Variants in TRIB2 observed in about 807,000 individuals in gnomAD.
The protein encoded by TRIB2 is tribbles homolog 2.
A neutral mutation model predicts 26.8 loss-of-function variants in TRIB2; 2 were observed. The observed-to-expected ratio is 0.07, with a 90% CI of 0.03 to 0.24. The LOEUF (loss-of-function observed/expected upper bound fraction) is 0.24. Among genes scored for constraint, TRIB2 ranks in the 10% least tolerant of loss-of-function variants. The pLI is 1.00. For synonymous variants in TRIB2, 189 were observed against 187.3 expected (o/e 1.01, Z -0.08); for missense variants, 306 against 449.0 (o/e 0.68, Z 2.88).
intron 2 of TRIB2, among the ~76,000 whole-genome samples, chr2:12,730,861 C>T (rs1188006256): frequency 6.6e-6 from 1 of 152,192 alleles, no homozygotes; most frequent in African/African-American, 2.4e-5. Context: ...GGGAGTTTCT[C>T]TAAATCATGA....
rs575502351 is a variant in TRIB2, at chr2:12,723,664, G to A, written c.563+112G>A. 2,573 of 1,313,454 alleles carry A rather than the reference G, an allele frequency of 2.0e-3. 11 individuals carry two copies. Among genetic ancestry groups the A allele is most frequent in the Admixed American group, 4.7e-3 (183 of 39,130 alleles). 81.4% of individuals were successfully genotyped at this position (1,313,454 alleles called of 1,614,324 possible). A position where few individuals can be genotyped will look rare whatever the true frequency, so the allele number is the denominator to read the frequency against. On this transcript the variant is annotated intron_variant, in intron 2 of 2. Transcript: ENST00000155926. The stretch of plus-strand genomic sequence containing the variant: ...TTGCCGTCTGTGGTCCAGATGAGGG[G>A]AAGGAATCTTAGGAGGGCAAAAGGA...
intron 2 of TRIB2, among the ~76,000 whole-genome samples, chr2:12,728,050 C>T (rs1319961595): frequency 6.6e-6 from 1 of 152,202 alleles, no homozygotes; most frequent in African/African-American, 2.4e-5. Flanking sequence ...TGGGAGAAGT[C>T]CTGTTACTTC....
At chr2:12,739,119 A>G (rs1227074015) in intron 2 of TRIB2, among the ~76,000 whole-genome samples, 1 of 152,100 alleles carries the variant, frequency 6.6e-6, no homozygotes, top group East Asian at 1.9e-4. Context: ...GACACGTGGG[A>G]AATTGGAATC....
intron 2 of TRIB2, among the ~76,000 whole-genome samples, chr2:12,739,571 G>T (rs1661664977): frequency 6.6e-6 from 1 of 152,164 alleles, no homozygotes; most frequent in Non-Finnish European, 1.5e-5. Flanking sequence ...TGATACGAGG[G>T]TGTCAGCCTC....
chr2:12,718,180 C>A lies in TRIB2; in HGVS notation c.-128C>A, dbSNP rs1263806881. ...TTCTAACTCTTTCTCCACGCAGCCC[C>A]TCTTCTGTCCCCTCCCCTCTCGCTC... On this transcript the variant is annotated 5_prime_UTR_variant, in exon 1 of 3. Coordinates refer to ENST00000155926, the MANE Select transcript of TRIB2 (RefSeq NM_021643.4). The surrounding 1 kb of genome is among the most constrained non-coding windows in gnomAD (Gnocchi z 4.0). 6.3e-6 allele frequency: 8 copies of A among 1,279,050 alleles called. No homozygotes were observed. The highest frequency in any genetic ancestry group is 6.3e-6 in the Non-Finnish European group (6 of 950,628). 79.2% of individuals were successfully genotyped at this position (1,279,050 alleles called of 1,614,324 possible). A position where few individuals can be genotyped will look rare whatever the true frequency, so the allele number is the denominator to read the frequency against.
At chr2:12,719,229 C>G (rs1489055108) in intron 1 of TRIB2, among the ~76,000 whole-genome samples, 1 of 152,080 alleles carries the variant, frequency 6.6e-6, no homozygotes. Flanking sequence ...GGTCTCTCTC[C>G]CCATCTCTAG....
At chr2:12,724,616 C>G in intron 2 of TRIB2, 4 of 1,605,952 alleles carry the variant, frequency 2.5e-6, no homozygotes, top group Non-Finnish European at 3.4e-6. Context: ...TTTACCTTTT[C>G]TCTTCCGCTC....
At chr2:12,728,053 G>A (rs1661371880) in intron 2 of TRIB2, among the ~76,000 whole-genome samples, 1 of 152,180 alleles carries the variant, frequency 6.6e-6, no homozygotes, top group Non-Finnish European at 1.5e-5. Flanking sequence ...GAGAAGTCCT[G>A]TTACTTCTAT....
intron 2 of TRIB2, among the ~76,000 whole-genome samples, chr2:12,724,151 C>T (rs1180422493): frequency 6.6e-6 from 1 of 152,098 alleles, no homozygotes; most frequent in Non-Finnish European, 1.5e-5. Context: ...GAAGGTTTTA[C>T]AGGAGGGGTG....
chr2:12,723,575 C>T, intron 2 of TRIB2, 23 bp downstream of exon 2: 1 of 1,606,714 alleles, frequency 6.2e-7, no homozygotes, highest in Non-Finnish European at 8.5e-7. Context: ...CTGTCCAGAC[C>T]TGGGTACTGT....
rs1661721570 is a variant in TRIB2 at position 12,742,083 on chromosome 2, T to A, written c.*1289T>A. The stretch of plus-strand genomic sequence containing the variant: ...ATGCTGTAGTTAACATTTATAATTC[T>A]TTTTCCTTGTTTGAGTATTTCTGTC... On this transcript the variant is annotated 3_prime_UTR_variant, in exon 3 of 3. Transcript: ENST00000155926. 1.3e-5 allele frequency: 2 copies of A among 152,682 alleles called. No homozygotes were observed. The highest frequency in any genetic ancestry group is 2.9e-5 in the Non-Finnish European group (2 of 68,046). 9.5% of individuals were successfully genotyped at this position (152,682 alleles called of 1,614,324 possible).
intron 2 of TRIB2, among the ~76,000 whole-genome samples, chr2:12,733,228 G>A (rs967833447): frequency 5.9e-5 from 9 of 152,122 alleles, no homozygotes; most frequent in Non-Finnish European, 1.2e-4. Context: ...TTCTTCATCC[G>A]GTAAATGGGC....
chr2:12,740,332 G>T lies in TRIB2; in HGVS notation c.570G>T (p.Arg190=). The T allele has an allele frequency of 6.2e-7, 1 of 1,613,106 alleles. No homozygotes were observed. Among genetic ancestry groups the T allele is most frequent in the Non-Finnish European group, 8.5e-7 (1 of 1,179,146 alleles). ...TTTTCCTCCTTTCTTGCAGGACTCG[G>T]GTCAAGCTGGAAAGCCTGGAAGACG... ...KFIFKDEERT[R]VKLESLEDAY... Residue 190 remains arginine, a synonymous_variant, in exon 3 of 3, where the codon CGG becomes CGT. Coordinates refer to ENST00000155926, the MANE Select transcript of TRIB2 (RefSeq NM_021643.4). This position sits in a 1 kb window ranked among gnomAD's most constrained non-coding sequence, Gnocchi z 5.8.
intron 2 of TRIB2, among the ~76,000 whole-genome samples, chr2:12,738,663 A>G (rs1208630436): frequency 3.3e-5 from 5 of 152,160 alleles, no homozygotes; most frequent in Non-Finnish European, 7.4e-5. Flanking sequence ...CTCAAAGAAC[A>G]GTAGGGCAGG....
chr2:12,724,337 A>G (rs1230888905), intron 2 of TRIB2, among the ~76,000 whole-genome samples: 1 of 152,182 alleles, frequency 6.6e-6, no homozygotes, highest in Non-Finnish European at 1.5e-5. Flanking sequence ...ATTACCTTCT[A>G]TTTAGCAGAC....
chr2:12,721,314 G>A (rs563602056), intron 1 of TRIB2, among the ~76,000 whole-genome samples: 9 of 152,148 alleles, frequency 5.9e-5, no homozygotes, highest in Non-Finnish European at 1.2e-4. Context: ...AAAGTGCTGA[G>A]CAAAAGTCAC....
chr2:12,738,602 G>A (rs1336424353), intron 2 of TRIB2, among the ~76,000 whole-genome samples: 1 of 152,152 alleles, frequency 6.6e-6, no homozygotes, highest in East Asian at 1.9e-4. Context: ...AGGAGAGTCA[G>A]AGGAAGATTT....
chr2:12,717,617 G>A lies in TRIB2; in HGVS notation c.-691G>A, dbSNP rs571081393. On this transcript the variant is annotated 5_prime_UTR_variant, in exon 1 of 3. Transcript: ENST00000155926. The surrounding 1 kb of genome is among the most constrained non-coding windows in gnomAD (Gnocchi z 4.8). ...CTCCCTTGCAATTTTTCTTTTTTTT[G>A]TTTGTTTGTTTAATTTTTGGAGAGC... The A allele has an allele frequency of 1.3e-5, 5 of 396,190 alleles. No individual in the cohort carries two copies. Among genetic ancestry groups the A allele is most frequent in the African/African-American group, 2.1e-5 (1 of 48,630 alleles). The allele number at this position is 396,190 out of a possible 1,614,324, so 24.5% of individuals were successfully genotyped here. A position where few individuals can be genotyped will look rare whatever the true frequency, so the allele number is the denominator to read the frequency against.
At chr2:12,723,677 G>C in intron 2 of TRIB2, 125 bp downstream of exon 2, 1 of 1,138,198 alleles carries the variant, frequency 8.8e-7, no homozygotes, top group Non-Finnish European at 1.2e-6. Context: ...GGAATCTTAG[G>C]AGGGCAAAAG....
Sources: gnomAD v4.1 joint callset for allele counts (sites outside exome capture counted in the v4.1 genomes callset) on GRCh38, gnomAD v4.1.1 for gene constraint, Gnocchi (gnomAD v3.1) non-coding constraint, MANE v1.5 for transcripts, NCBI Gene and HGNC (gene_info 2026-07-23, HGNC 2026-07-21) for gene names.